Variants in SEL1L3 observed in about 807,000 individuals in gnomAD.
SEL1L3 encodes protein sel-1 homolog 3.
SEL1L3 carries 76 observed loss-of-function variants against 142.8 expected under a neutral mutation model. That is an observed-to-expected ratio of 0.53 (90% CI 0.44 to 0.64). The LOEUF is 0.64. SEL1L3 is among the 30% of genes least tolerant of loss of function. The pLI is 0.00. For missense variants in SEL1L3, 1,262 were observed against 1,381.7 expected, an observed-to-expected ratio of 0.91 and a Z score of 1.37; for synonymous variants, 504 against 519.6, an observed-to-expected ratio of 0.97 and a Z score of 0.41.
At chr4:25,715,592 C>A in the SEL1L3 span, among the ~76,000 whole-genome samples, 1 of 152,236 alleles carries the variant, frequency 6.6e-6, no homozygotes, top group African/African-American at 2.4e-5. Context: ...GACATCTACA[C>A]ACGCGTGTGC....
chr4:25,826,651 C>T (rs769355198), intron 6 of SEL1L3, among the ~76,000 whole-genome samples: 10 of 151,928 alleles, frequency 6.6e-5, no homozygotes, highest in Non-Finnish European at 8.8e-5. Context: ...CGTCTGAGTA[C>T]GGCTAGCTTT....
At chr4:25,772,292 C>T (rs1459378014) in intron 17 of SEL1L3, among the ~76,000 whole-genome samples, 1 of 152,122 alleles carries the variant, frequency 6.6e-6, no homozygotes, top group Admixed American at 6.5e-5. Context: ...TAAGAGGTTT[C>T]AAATCCAGAC....
chr4:25,830,070 T>C lies in SEL1L3; in HGVS notation c.1157+28A>G, dbSNP rs750503936. 3.9e-6 allele frequency: 6 copies of C among 1,543,768 alleles called. No homozygotes were observed. In the East Asian group the frequency reaches 1.1e-4, roughly 29 times the overall value. On this transcript the variant is annotated intron_variant, in intron 6 of 23. Transcript: ENST00000399878. ...TTCCTTAACTCGCATGCAGGCAAAT[T>C]TTGAATAAAAAGAAAAATCGCACTT...
chr4:25,746,129 A>T (rs1287449460), downstream of SEL1L3, among the ~76,000 whole-genome samples: 1 of 152,126 alleles, frequency 6.6e-6, no homozygotes, highest in East Asian at 1.9e-4. Flanking sequence ...ATGGTTTAGC[A>T]CCGTCCTGTT....
chr4:25,768,442 G>A (rs1303047349), intron 17 of SEL1L3, among the ~76,000 whole-genome samples: 1 of 152,180 alleles, frequency 6.6e-6, no homozygotes, highest in Non-Finnish European at 1.5e-5. Context: ...TGGAATAATG[G>A]CAAAAGCTTG....
At chr4:25,861,592 C>A (rs1717707029) in intron 1 of SEL1L3, among the ~76,000 whole-genome samples, 1 of 151,654 alleles carries the variant, frequency 6.6e-6, no homozygotes, top group Non-Finnish European at 1.5e-5. Flanking sequence ...AATGACAATG[C>A]CACATAAGTG....
the SEL1L3 span, among the ~76,000 whole-genome samples, chr4:25,725,614 C>G: frequency 6.6e-6 from 1 of 151,932 alleles, no homozygotes; most frequent in Non-Finnish European, 1.5e-5. Context: ...GCGCCCGGCC[C>G]TGGTTGGCTA....
intron 20 of SEL1L3, among the ~76,000 whole-genome samples, chr4:25,763,573 C>A (rs1017860639): frequency 2.6e-5 from 4 of 152,056 alleles, no homozygotes; most frequent in Non-Finnish European, 1.5e-5. Context: ...ATTGGCTGGA[C>A]ACAGTGACTC....
At position 25,830,019 on chromosome 4, in the gene SEL1L3, T is replaced by C. The variant is rs918725485; in HGVS notation, c.1157+79A>G. On this transcript the variant is annotated intron_variant, in intron 6 of 23. Coordinates refer to ENST00000399878, the MANE Select transcript of SEL1L3 (RefSeq NM_015187.5). ...TGAATGAAGAGATGTGGAATAACAT[T>C]AGGGCTGAGGGCTAAAGTATGAAGA... The C allele has an allele frequency of 4.6e-6, 4 of 867,378 alleles. No individual in the cohort carries two copies. The African/African-American group carries it at 6.6e-5, about 14-fold the overall frequency. 53.7% of individuals were successfully genotyped at this position (867,378 alleles called of 1,614,324 possible).
At chr4:25,809,271 T>A (rs1713851104) in intron 9 of SEL1L3, among the ~76,000 whole-genome samples, 1 of 150,808 alleles carries the variant, frequency 6.6e-6, no homozygotes, top group South Asian at 2.1e-4. Context: ...AGTTCCCGAG[T>A]AGCTGGGATT....
At chr4:25,785,970 A>T (rs1711796213) in intron 13 of SEL1L3, among the ~76,000 whole-genome samples, 1 of 152,172 alleles carries the variant, frequency 6.6e-6, no homozygotes, top group African/African-American at 2.4e-5. Context: ...AAGTGGGATG[A>T]CTTTTCTTGC....
intron 1 of SEL1L3, among the ~76,000 whole-genome samples, chr4:25,848,951 CA>C (rs1294642086): frequency 3.9e-5 from 6 of 152,300 alleles, no homozygotes; most frequent in African/African-American, 1.4e-4. Flanking sequence ...CCAGCCTGGT[CA>C]ACATGGTGAA....
chr4:25,812,929 C>T (rs1245789836), intron 9 of SEL1L3, among the ~76,000 whole-genome samples: 4 of 152,186 alleles, frequency 2.6e-5, no homozygotes, highest in Non-Finnish European at 5.9e-5. Flanking sequence ...AGGAGAATCG[C>T]TTGAACCCAG....
At chr4:25,861,129 C>T (rs1394256326) in intron 1 of SEL1L3, among the ~76,000 whole-genome samples, 4 of 152,218 alleles carry the variant, frequency 2.6e-5, no homozygotes, top group Non-Finnish European at 5.9e-5. Context: ...TCTACTACAT[C>T]ACTTCTGCTT....
At chr4:25,860,323 A>T (rs1577710480) in intron 1 of SEL1L3, among the ~76,000 whole-genome samples, 1 of 152,008 alleles carries the variant, frequency 6.6e-6, no homozygotes, top group African/African-American at 2.4e-5. Flanking sequence ...CTCCATCTCT[A>T]CCCTGCACCT....
At chr4:25,714,355 G>A in the SEL1L3 span, among the ~76,000 whole-genome samples, 2 of 150,916 alleles carry the variant, frequency 1.3e-5, no homozygotes, top group Non-Finnish European at 2.9e-5. Context: ...CAGAAATAGA[G>A]CCTCATATAC....
intron 11 of SEL1L3, among the ~76,000 whole-genome samples, chr4:25,801,274 A>T (rs1713165341): frequency 6.6e-6 from 1 of 152,208 alleles, no homozygotes; most frequent in African/African-American, 2.4e-5. Context: ...ATGGTGGCAC[A>T]CGCCTGTAAT....
rs1719828428 is a variant in SEL1L3, at chr4:25,779,071, C to T, written c.2585+5G>A. The T allele has an allele frequency of 6.2e-7, 1 of 1,613,178 alleles. No individual in the cohort carries two copies. Among genetic ancestry groups the T allele is most frequent in the Non-Finnish European group, 8.5e-7 (1 of 1,179,444 alleles). ...CTTCAAATGCAACGTTTGACAGAGT[C>T]TTACACAACAGCTTTCTCAGGATCT... On this transcript the variant is annotated splice_donor_5th_base_variant and intron_variant, in intron 16 of 23. Coordinates refer to ENST00000399878, the MANE Select transcript of SEL1L3 (RefSeq NM_015187.5).
At chr4:25,840,429 C>T (rs1287437053) in intron 2 of SEL1L3, among the ~76,000 whole-genome samples, 1 of 152,052 alleles carries the variant, frequency 6.6e-6, no homozygotes, top group African/African-American at 2.4e-5. Context: ...CTGGTTCCAA[C>T]ACTTGACTTA....
Sources: allele counts gnomAD v4.1 joint callset (sites outside exome capture counted in the v4.1 genomes callset), GRCh38; gene constraint gnomAD v4.1.1; transcripts MANE v1.5; gene names NCBI Gene and HGNC (gene_info 2026-07-23, HGNC 2026-07-21).